Variants in DNAH8 observed in about 807,000 individuals in gnomAD.
DNAH8 encodes the protein dynein axonemal heavy chain 8, also known as axonemal beta dynein heavy chain 8.
A neutral mutation model predicts 562.1 loss-of-function variants in DNAH8; 382 were observed. That is an observed-to-expected ratio of 0.68 (90% CI 0.63 to 0.74). The LOEUF is 0.74. Ranked by LOEUF, DNAH8 falls within the 30% of genes least tolerant of loss-of-function variation. The pLI, the probability that DNAH8 is intolerant of heterozygous loss-of-function variation, is 0.00. For synonymous variants in DNAH8, 1,881 were observed against 1,919.4 expected, an observed-to-expected ratio of 0.98 and a Z score of 0.52; for missense variants, 5,203 against 5,620.4, an observed-to-expected ratio of 0.93 and a Z score of 2.37.
chr6:38,841,397 CA>C (rs1218790641), intron 33 of DNAH8, among the ~76,000 whole-genome samples: 1 of 152,048 alleles, frequency 6.6e-6, no homozygotes, highest in Non-Finnish European at 1.5e-5. Flanking sequence ...CCAGCCTGGG[CA>C]ACAGAGTGAG....
chr6:38,969,294 T>A (rs1003549968), intron 82 of DNAH8, among the ~76,000 whole-genome samples: 2 of 152,168 alleles, frequency 1.3e-5, no homozygotes, highest in African/African-American at 4.8e-5. Context: ...TATACCTCAA[T>A]TATAAAGGTT....
Position 38,758,580 on chromosome 6 carries a change from T to C in DNAH8, c.1515+2501T>C, listed in dbSNP as rs535043122. Reference sequence around the variant, plus strand: ...CCAACACTATGTTGAATAGGAGTGGTGAGAGAGGGCATCCCTGTCTTGTGC... The same window carrying C: ...CCAACACTATGTTGAATAGGAGTGGCGAGAGAGGGCATCCCTGTCTTGTGC... On this transcript the variant is annotated intron_variant, in intron 10 of 92. Coordinates refer to ENST00000327475, the MANE Select transcript of DNAH8 (RefSeq NM_001206927.2). Among the ~76,000 whole-genome samples the C allele has an allele frequency of 8.6e-5, 13 of 152,028 alleles. No homozygotes were observed. In the East Asian group the frequency reaches 2.5e-3, roughly 29 times the overall value.
chr6:38,923,537 TCTG>T lies in DNAH8; in HGVS notation c.10790+356_10790+358del. On this transcript the variant is annotated intron_variant, in intron 72 of 92. Transcript: ENST00000327475. The stretch of plus-strand genomic sequence containing the variant: ...GTTTGTTGTAAATGCAAGGCTGTCT[TCTG>T]CTGGTGTCTGTTGGTGTCCTTAGAA... 1.1e-5 allele frequency: 2 copies of T among 179,010 alleles called. 1 individual carries two copies. The allele number at this position is 179,010 out of a possible 1,614,324, so 11.1% of individuals were successfully genotyped here. A position where few individuals can be genotyped will look rare whatever the true frequency, so the allele number is the denominator to read the frequency against.
chr6:38,932,060 C>T, intron 76 of DNAH8, 67 bp downstream of exon 76: 1 of 1,253,704 alleles, frequency 8.0e-7, no homozygotes, highest in Non-Finnish European at 1.1e-6. Context: ...TGAGAAATTG[C>T]TAAGTATGTG....
intron 11 of DNAH8, chr6:38,764,843 G>GT (rs34794612): frequency 0.09 from 13,537 of 151,130 alleles, 793 homozygotes; most frequent in East Asian, 0.2. Flanking sequence ...TTTTTTAAAT[G>GT]TTTTTTTTTG....
At chr6:38,716,030 C>A (rs1290146875) in intron 1 of DNAH8, among the ~76,000 whole-genome samples, 9 of 138,982 alleles carry the variant, frequency 6.5e-5, no homozygotes, top group African/African-American at 2.5e-4. Context: ...GCGATCTCGG[C>A]TCACTGCAAT....
intron 53 of DNAH8, 31 bp from the exon 54 acceptor site, chr6:38,882,879 C>G: frequency 6.9e-7 from 1 of 1,458,520 alleles, no homozygotes; most frequent in Non-Finnish European, 9.1e-7. Flanking sequence ...GAATATGGTT[C>G]TATTAAGATG....
At chr6:38,909,772 C>T in intron 65 of DNAH8, 28 bp downstream of exon 65, 1 of 1,559,180 alleles carries the variant, frequency 6.4e-7, no homozygotes, top group Non-Finnish European at 8.8e-7. Context: ...AGCACCATCG[C>T]TATGGAACCA....
chr6:39,019,629 C>T (rs1766775003), intron 91 of DNAH8, among the ~76,000 whole-genome samples: 2 of 151,848 alleles, frequency 1.3e-5, no homozygotes, highest in South Asian at 4.2e-4. Context: ...TGCGGTTTTG[C>T]CAGGCAAGAG....
intron 1 of DNAH8, among the ~76,000 whole-genome samples, chr6:38,719,409 A>C (rs1698988): frequency 0.34 from 51,028 of 151,598 alleles, 9,820 homozygotes; most frequent in African/African-American, 0.52. Flanking sequence ...TTGTACCCCC[A>C]GTGTCTCTTG....
At chr6:38,997,912 C>T (rs772472609) in intron 88 of DNAH8, among the ~76,000 whole-genome samples, 2 of 152,294 alleles carry the variant, frequency 1.3e-5, no homozygotes, top group South Asian at 2.1e-4. Flanking sequence ...CATGTGCCAC[C>T]AGGCCCGGCT....
chr6:38,880,695 A>G (rs1194651919), intron 53 of DNAH8, among the ~76,000 whole-genome samples: 1 of 152,234 alleles, frequency 6.6e-6, no homozygotes, highest in Non-Finnish European at 1.5e-5. Flanking sequence ...CATGTGAAAG[A>G]TATTTAACAT....
intron 36 of DNAH8, among the ~76,000 whole-genome samples, chr6:38,847,022 C>A (rs1180172523): frequency 6.6e-6 from 1 of 152,142 alleles, no homozygotes; most frequent in Non-Finnish European, 1.5e-5. Context: ...CCAGAACTAA[C>A]CACAGACTGA....
intron 91 of DNAH8, among the ~76,000 whole-genome samples, chr6:39,013,607 T>C (rs1766370757): frequency 1.3e-5 from 2 of 152,170 alleles, no homozygotes; most frequent in Admixed American, 6.5e-5. Context: ...ATCCCAGCAC[T>C]TTGGGAGGTC....
At chr6:38,776,865 A>C (rs1768128110) in intron 13 of DNAH8, among the ~76,000 whole-genome samples, 1 of 152,306 alleles carries the variant, frequency 6.6e-6, no homozygotes, top group South Asian at 2.1e-4. Flanking sequence ...CTGTTAACCT[A>C]CGTTTAGCCC....
intron 31 of DNAH8, among the ~76,000 whole-genome samples, chr6:38,832,722 T>C (rs1465915450): frequency 6.6e-6 from 1 of 152,222 alleles, no homozygotes; most frequent in African/African-American, 2.4e-5. Flanking sequence ...AATCTCATAC[T>C]GTTTTAAGAA....
intron 80 of DNAH8, 129 bp downstream of exon 80, chr6:38,945,717 G>C (rs1016088743): frequency 2.9e-5 from 35 of 1,217,040 alleles, no homozygotes; most frequent in Non-Finnish European, 3.7e-5. Context: ...TGGATTTGAG[G>C]CTCTGTGGCT....
intron 21 of DNAH8, among the ~76,000 whole-genome samples, chr6:38,795,503 C>G (rs866587654): frequency 2.7e-5 from 4 of 148,180 alleles, no homozygotes; most frequent in African/African-American, 7.4e-5. Flanking sequence ...TGGCGTGAAC[C>G]CAGGAGGCGG....
rs1325991478 is a variant in DNAH8 at position 38,723,476 on chromosome 6, G to A, written c.525+5G>A. The A allele has an allele frequency of 6.3e-7, 1 of 1,599,850 alleles. No individual in the cohort carries two copies. Among genetic ancestry groups the A allele is most frequent in the East Asian group, 2.2e-5 (1 of 44,834 alleles). ...TTAATTTTGGATTGCCCATCTGTAA[G>A]TTTAAGTCTTATCATTATATTTTAA... On this transcript the variant is annotated splice_donor_5th_base_variant and intron_variant, in intron 3 of 92. Coordinates refer to ENST00000327475, the MANE Select transcript of DNAH8 (RefSeq NM_001206927.2).
Sources: gnomAD v4.1 joint callset for allele counts (sites outside exome capture counted in the v4.1 genomes callset) on GRCh38, gnomAD v4.1.1 for gene constraint, MANE v1.5 for transcripts, NCBI Gene and HGNC (gene_info 2026-07-23, HGNC 2026-07-21) for gene names.